Variants in SCYL2 observed in about 807,000 individuals in gnomAD.
SCYL2 encodes the protein SCY1-like protein 2.
A neutral mutation model predicts 100.4 loss-of-function variants in SCYL2; 36 were observed. That is an observed-to-expected ratio of 0.36 (90% CI 0.27 to 0.47). The LOEUF (loss-of-function observed/expected upper bound fraction) is 0.47. Among genes scored for constraint, SCYL2 ranks in the 20% least tolerant of loss-of-function variants. SCYL2 has a pLI of 1.00. For missense variants in SCYL2, 902 were observed against 1,083.9 expected (o/e 0.83, Z 2.36); for synonymous variants, 330 against 359.2 (o/e 0.92, Z 0.92).
chr12:100,331,899 C>G (rs552708081), intron 13 of SCYL2, among the ~76,000 whole-genome samples: 1 of 152,230 alleles, frequency 6.6e-6, no homozygotes, highest in South Asian at 2.1e-4. Context: ...TAAAAAACAG[C>G]AAATGCCCTG....
chr12:100,304,441 T>C (rs2096331563), intron 4 of SCYL2, among the ~76,000 whole-genome samples: 1 of 152,092 alleles, frequency 6.6e-6, no homozygotes, highest in Admixed American at 6.5e-5. Context: ...GGGAAAAGCA[T>C]AGTATCTGGG....
Position 100,283,117 on chromosome 12 carries a change from T to G in SCYL2, c.147T>G (p.Ile49Met). Residue 49 changes from isoleucine to methionine, a missense_variant, in exon 2 of 18, where the codon ATT (isoleucine) becomes ATG (methionine). Ile to Met is a conservative substitution (Grantham distance 10). Coordinates refer to ENST00000360820, the MANE Select transcript of SCYL2 (RefSeq NM_017988.6). ...ASGGNGLAWK[I>M]FNGTKKSTKQ... ...GTGGCAATGGGCTAGCTTGGAAGAT[T>G]TTTAATGGCACAAAAAAGTCAACAA... 6.2e-7 allele frequency: 1 copy of G among 1,606,954 alleles called. No homozygotes were observed. The highest frequency in any genetic ancestry group is 1.1e-5 in the South Asian group (1 of 89,214).
chr12:100,279,380 A>G (rs1184095698), intron 1 of SCYL2, among the ~76,000 whole-genome samples: 1 of 152,260 alleles, frequency 6.6e-6, no homozygotes, highest in Non-Finnish European at 1.5e-5. Flanking sequence ...CCTGCTCTGC[A>G]GCCCGGTTCC....
intron 4 of SCYL2, among the ~76,000 whole-genome samples, chr12:100,298,763 T>C (rs1241121728): frequency 1.3e-5 from 2 of 152,174 alleles, no homozygotes; most frequent in African/African-American, 4.8e-5. Context: ...TTTGTATTAT[T>C]GATAGAGATG....
chr12:100,291,565 T>A lies in SCYL2; in HGVS notation c.240T>A (p.Asp80Glu). 1 of 1,595,450 alleles carries A rather than the reference T, an allele frequency of 6.3e-7. No individual in the cohort carries two copies. The highest frequency in any genetic ancestry group is 8.5e-7 in the Non-Finnish European group (1 of 1,174,392). ...LIDKYQKFEK[D>E]QIIDSLKRGV... Reference sequence around the variant, plus strand: ...ACAAGTATCAAAAATTTGAAAAGGATCAAATCATTGATTCTCTAAAACGAG... The same window carrying A: ...ACAAGTATCAAAAATTTGAAAAGGAACAAATCATTGATTCTCTAAAACGAG... The change falls in exon 3 of 18, where the codon GAT (aspartate) becomes GAA (glutamate). Residue 80 changes from aspartate (D) to glutamate (E), a missense_variant. Transcript: ENST00000360820.
chr12:100,302,224 G>T (rs750191828), intron 4 of SCYL2, among the ~76,000 whole-genome samples: 3 of 152,170 alleles, frequency 2.0e-5, no homozygotes, highest in Non-Finnish European at 4.4e-5. Context: ...CTGGGGTTGG[G>T]TGGGGGAGGT....
At chr12:100,303,359 A>G (rs10860575) in intron 4 of SCYL2, among the ~76,000 whole-genome samples, 81,364 of 151,992 alleles carry the variant, frequency 0.54, 23,477 homozygotes, top group East Asian at 0.93. Flanking sequence ...GCCTTTTGGC[A>G]CTGTTTTTTC....
intron 4 of SCYL2, among the ~76,000 whole-genome samples, chr12:100,308,643 A>T (rs2096337828): frequency 6.6e-6 from 1 of 152,170 alleles, no homozygotes; most frequent in Non-Finnish European, 1.5e-5. Flanking sequence ...GTAATAATTA[A>T]ACAACAACAA....
intron 10 of SCYL2, among the ~76,000 whole-genome samples, chr12:100,318,858 A>G (rs532443612): frequency 2.2e-4 from 33 of 152,314 alleles, no homozygotes; most frequent in African/African-American, 7.9e-4. Context: ...AAAACACCAT[A>G]TACTTTGCCA....
At chr12:100,268,470 T>A (rs1179149292) in intron 1 of SCYL2, among the ~76,000 whole-genome samples, 1 of 152,174 alleles carries the variant, frequency 6.6e-6, no homozygotes. Context: ...TGAAATCAGC[T>A]GAGTATATAA....
In SCYL2 at chr12:100,315,738, T is replaced by C; in HGVS notation, c.1272+4T>C. The C allele has an allele frequency of 1.3e-6, 2 of 1,593,136 alleles. No homozygotes were observed. Among genetic ancestry groups the C allele is most frequent in the Non-Finnish European group, 1.7e-6 (2 of 1,170,430 alleles). On this transcript the variant is annotated splice_donor_region_variant and intron_variant, in intron 9 of 17. Coordinates refer to ENST00000360820, the MANE Select transcript of SCYL2 (RefSeq NM_017988.6). ...TAAGCAGCAGGAGCCAATCCAGGTA[T>C]GTTATAGATATTTTTGTGTATTTAT...
intron 13 of SCYL2, chr12:100,333,620 CTA>C (rs1952238667): frequency 6.6e-6 from 1 of 152,196 alleles, no homozygotes. Context: ...AAAGCTTAAA[CTA>C]TGTTAAGACA....
intron 1 of SCYL2, among the ~76,000 whole-genome samples, chr12:100,270,849 C>T (rs903725504): frequency 1.3e-5 from 2 of 151,594 alleles, no homozygotes; most frequent in Non-Finnish European, 2.9e-5. Context: ...GAATGTTTTA[C>T]TTCTTGTTTC....
chr12:100,269,709 C>G (rs2096285226), intron 1 of SCYL2, among the ~76,000 whole-genome samples: 1 of 152,150 alleles, frequency 6.6e-6, no homozygotes, highest in Admixed American at 6.6e-5. Context: ...CATTTGAACT[C>G]AGATTTCCTT....
At chr12:100,295,981 A>T (rs2096319915) in intron 3 of SCYL2, among the ~76,000 whole-genome samples, 1 of 152,206 alleles carries the variant, frequency 6.6e-6, no homozygotes, top group African/African-American at 2.4e-5. Flanking sequence ...TAGGCTCTTT[A>T]TGAGTGCTTC....
intron 9 of SCYL2, among the ~76,000 whole-genome samples, chr12:100,317,031 G>C (rs1475487222): frequency 6.6e-6 from 1 of 152,144 alleles, no homozygotes; most frequent in African/African-American, 2.4e-5. Flanking sequence ...GGGAGGTCGA[G>C]GCTGCGGTAA....
chr12:100,311,101 A>G lies in SCYL2; in HGVS notation c.538A>G (p.Thr180Ala). 6.2e-7 allele frequency: 1 copy of G among 1,605,810 alleles called. No homozygotes were observed. The highest frequency in any genetic ancestry group is 8.5e-7 in the Non-Finnish European group (1 of 1,176,658). ...TGTGAAAATGGTGCATGGAAATATCACTCCTGAAAATATAATTTTGAATAA... is the reference window on the plus strand; with the variant it reads ...TGTGAAAATGGTGCATGGAAATATCGCTCCTGAAAATATAATTTTGAATAA... The part of the protein sequence containing the change: ...SSVKMVHGNI[T>A]PENIILNKSG... Residue 180 changes from threonine (T) to alanine (A), a missense_variant, in exon 5 of 18, where the codon ACT becomes GCT. Coordinates refer to ENST00000360820, the MANE Select transcript of SCYL2 (RefSeq NM_017988.6).
At chr12:100,312,015 G>T (rs2096342785) in intron 5 of SCYL2, among the ~76,000 whole-genome samples, 1 of 152,164 alleles carries the variant, frequency 6.6e-6, no homozygotes, top group Non-Finnish European at 1.5e-5. Flanking sequence ...ACACTGCTAG[G>T]TCAAACTTCC....
At chr12:100,294,458 CGGG>C (rs2096315420) in intron 3 of SCYL2, among the ~76,000 whole-genome samples, 1 of 81,814 alleles carries the variant, frequency 1.2e-5, no homozygotes, top group Non-Finnish European at 2.4e-5. Flanking sequence ...TAGGGGCGGC[CGGG>C]CAGAGGCGCC....
Sources: allele counts gnomAD v4.1 joint callset (sites outside exome capture counted in the v4.1 genomes callset), GRCh38; gene constraint gnomAD v4.1.1; transcripts MANE v1.5; gene names NCBI Gene and HGNC (gene_info 2026-07-23, HGNC 2026-07-21).